ESRRG: variants seen among roughly 807,000 people sequenced by gnomAD.
ESRRG encodes estrogen-related receptor gamma.
A neutral mutation model predicts 44.0 loss-of-function variants in ESRRG; 13 were observed. The observed-to-expected ratio is 0.30, with a 90% confidence interval of 0.19 to 0.47. The LOEUF is 0.47. Ranked by LOEUF, ESRRG falls within the 20% of genes least tolerant of loss-of-function variation. ESRRG has a pLI of 1.00. For synonymous variants in ESRRG, 215 were observed against 214.6 expected (o/e 1.00, Z -0.02); for missense variants, 395 against 580.6 (o/e 0.68, Z 3.29).
At chr1:216,782,524 C>A (rs1329380314) in intron 2 of ESRRG, among the ~76,000 whole-genome samples, 3 of 152,040 alleles carry the variant, frequency 2.0e-5, no homozygotes, top group Admixed American at 6.6e-5. Context: ...CTTTGTGAAA[C>A]AATATGCATT....
At chr1:216,943,518 G>A (rs571407492) in intron 1 of ESRRG, among the ~76,000 whole-genome samples, 1 of 152,280 alleles carries the variant, frequency 6.6e-6, no homozygotes, top group Admixed American at 6.5e-5. Context: ...CATGACAGTG[G>A]AACTCAACCA....
At chr1:216,983,858 T>G (rs2074416711) in intron 1 of ESRRG, among the ~76,000 whole-genome samples, 1 of 152,068 alleles carries the variant, frequency 6.6e-6, no homozygotes. Flanking sequence ...TAATTGGGTT[T>G]CTTACATAGA....
At chr1:216,537,354 A>T (rs2051293186) in intron 5 of ESRRG, among the ~76,000 whole-genome samples, 1 of 152,066 alleles carries the variant, frequency 6.6e-6, no homozygotes, top group East Asian at 1.9e-4. Context: ...TAGAACCATA[A>T]GAAATGCATT....
At chr1:216,743,111 C>A (rs2090959739) in intron 2 of ESRRG, among the ~76,000 whole-genome samples, 1 of 152,130 alleles carries the variant, frequency 6.6e-6, no homozygotes, top group Admixed American at 6.6e-5. Flanking sequence ...TATTAGAGAC[C>A]AATGGAATGA....
upstream of ESRRG, among the ~76,000 whole-genome samples, chr1:217,092,123 A>G (rs1031263722): frequency 3.0e-4 from 45 of 152,186 alleles, no homozygotes; most frequent in African/African-American, 1.0e-3. Context: ...GTTTGAATAG[A>G]TCCTTTCTAA....
intron 1 of ESRRG, among the ~76,000 whole-genome samples, chr1:217,123,821 T>G (rs1443732497): frequency 6.6e-6 from 1 of 152,088 alleles, no homozygotes; most frequent in Non-Finnish European, 1.5e-5. Flanking sequence ...AATATCTGGA[T>G]GATGGGTTGA....
At chr1:216,529,079 G>A (rs2149081635) in intron 5 of ESRRG, among the ~76,000 whole-genome samples, 1 of 152,214 alleles carries the variant, frequency 6.6e-6, no homozygotes, top group African/African-American at 2.4e-5. Context: ...AGGTTTATCA[G>A]ACTAGTTTGT....
intron 3 of ESRRG, among the ~76,000 whole-genome samples, chr1:216,643,315 T>A (rs2066836851): frequency 6.6e-6 from 1 of 152,198 alleles, no homozygotes; most frequent in Non-Finnish European, 1.5e-5. Flanking sequence ...TGGACTGTGT[T>A]GAGATCACTC....
intron 2 of ESRRG, among the ~76,000 whole-genome samples, chr1:216,915,529 AAAATC>A (rs2061050641): frequency 6.6e-6 from 1 of 152,186 alleles, no homozygotes; most frequent in South Asian, 2.1e-4. Flanking sequence ...GCATTCATAC[AAAATC>A]AAATCAATCT....
chr1:216,700,835 G>A (rs2081258494), intron 1 of ESRRG, among the ~76,000 whole-genome samples: 1 of 152,164 alleles, frequency 6.6e-6, no homozygotes, highest in East Asian at 1.9e-4. Context: ...AACACTCTAG[G>A]CAGAGAAGAA....
At chr1:216,965,946 CA>C (rs1332563494) in intron 1 of ESRRG, among the ~76,000 whole-genome samples, 1 of 152,088 alleles carries the variant, frequency 6.6e-6, no homozygotes, top group East Asian at 1.9e-4. Flanking sequence ...GGTCTTGTTC[CA>C]ATGCAGATCT....
chr1:216,880,485 A>G (rs1309638941), intron 2 of ESRRG, among the ~76,000 whole-genome samples: 1 of 152,070 alleles, frequency 6.6e-6, no homozygotes, highest in Non-Finnish European at 1.5e-5. Flanking sequence ...ACTTGATACC[A>G]TCATTAAGGC....
intron 1 of ESRRG, among the ~76,000 whole-genome samples, chr1:217,096,361 C>T (rs1289635835): frequency 1.3e-5 from 2 of 152,202 alleles, no homozygotes; most frequent in African/African-American, 4.8e-5. Context: ...ACGTTCTCAG[C>T]TATGTGGACC....
intron 3 of ESRRG, among the ~76,000 whole-genome samples, chr1:216,648,835 C>T (rs945777475): frequency 1.3e-5 from 2 of 152,040 alleles, no homozygotes; most frequent in South Asian, 4.1e-4. Context: ...ATAATGATTC[C>T]TCAACTTTCA....
chr1:216,637,187 C>T (rs757324989), intron 3 of ESRRG, among the ~76,000 whole-genome samples: 3 of 152,120 alleles, frequency 2.0e-5, no homozygotes, highest in Non-Finnish European at 4.4e-5. Flanking sequence ...TTCTGCTAAA[C>T]AATAGGCTAT....
chr1:216,838,969 A>G (rs2095609569), intron 2 of ESRRG, among the ~76,000 whole-genome samples: 1 of 152,078 alleles, frequency 6.6e-6, no homozygotes, highest in African/African-American at 2.4e-5. Flanking sequence ...GCAGTTTTTT[A>G]AAAAAGGACA....
chr1:216,555,337 T>A (rs1317861168), intron 5 of ESRRG, among the ~76,000 whole-genome samples: 1 of 152,176 alleles, frequency 6.6e-6, no homozygotes, highest in Non-Finnish European at 1.5e-5. Flanking sequence ...CACTAGCACT[T>A]TCAAGGTAAC....
chr1:217,133,645 C>CTCTCTCTCTCTCTCTCTCTCTTTCTT (rs1266397788), intron 1 of ESRRG, among the ~76,000 whole-genome samples: 6 of 91,812 alleles, frequency 6.5e-5, no homozygotes, highest in African/African-American at 2.5e-4. Flanking sequence ...CTCTCTCTCT[C>CTCTCTCTCTCTCTCTCTCTCTTTCTT]TCTTTCTTTC....
chr1:216,772,096 C>T (rs963739944), intron 2 of ESRRG, among the ~76,000 whole-genome samples: 17 of 152,166 alleles, frequency 1.1e-4, no homozygotes, highest in African/African-American at 4.1e-4. Context: ...AGGTACCCGA[C>T]AGATTTAAGC....
Sources: gnomAD v4.1 joint callset for allele counts (sites outside exome capture counted in the v4.1 genomes callset) on GRCh38, gnomAD v4.1.1 for gene constraint, MANE v1.5 for transcripts, NCBI Gene and HGNC (gene_info 2026-07-23, HGNC 2026-07-21) for gene names.